The following PSD3 variants were observed in gnomAD, a reference collection of about 807,000 sequenced individuals.
PSD3 encodes the protein pleckstrin and Sec7 domain containing 3, also known as PH and SEC7 domain-containing protein 3.
In PSD3, 49 loss-of-function variants were observed where a neutral mutation model predicts 105.5. The observed-to-expected ratio is 0.46, with a 90% CI of 0.37 to 0.59. PSD3 has a LOEUF of 0.59. PSD3 is among the 20% of genes least tolerant of loss of function. The pLI, the probability that PSD3 is intolerant of heterozygous loss-of-function variation, is 0.00. For synonymous variants in PSD3, 557 were observed against 457.8 expected (o/e 1.22, Z -2.77); for missense variants, 1,561 against 1,263.8 (o/e 1.24, Z -3.57).
rs576851160 is a variant in PSD3, at chr8:19,033,720, G to C, written c.324+50486C>G. On this transcript the variant is annotated intron_variant, in intron 1 of 1. Coordinates refer to the PSD3 transcript ENST00000521475. The stretch of plus-strand genomic sequence containing the variant: ...ATACCCAATTATCTTAGTGATAGCA[G>C]CACTCCCAGGAATTGAAGTCTCATA... 4.6e-5 allele frequency among the ~76,000 whole-genome samples: 7 copies of C among 152,028 alleles called. No homozygotes were observed. In the South Asian group the frequency reaches 1.5e-3, roughly 32 times the overall value.
intron 1 of PSD3, among the ~76,000 whole-genome samples, chr8:18,961,677 C>A (rs568107891): frequency 6.6e-6 from 1 of 152,006 alleles, no homozygotes; most frequent in Non-Finnish European, 1.5e-5. Flanking sequence ...GGTGACAGAG[C>A]GAGACTCTGC....
chr8:18,666,059 C>A (rs746191040), intron 9 of PSD3, among the ~76,000 whole-genome samples: 10 of 152,094 alleles, frequency 6.6e-5, no homozygotes, highest in Non-Finnish European at 1.0e-4. Flanking sequence ...TGTAAACATA[C>A]CTTTTTTTTT....
chr8:18,753,484 T>C (rs1410970739), intron 9 of PSD3, among the ~76,000 whole-genome samples: 2 of 152,158 alleles, frequency 1.3e-5, no homozygotes, highest in Non-Finnish European at 2.9e-5. Context: ...CTGGATAATG[T>C]GGCTTCTGGC....
chr8:18,580,571 GC>G (rs1802749970), intron 12 of PSD3, among the ~76,000 whole-genome samples: 2 of 151,920 alleles, frequency 1.3e-5, no homozygotes, highest in South Asian at 4.2e-4. Context: ...AAAAAAACAA[GC>G]CCCCAAAACA....
At chr8:18,752,428 C>T (rs1191403698) in intron 9 of PSD3, among the ~76,000 whole-genome samples, 5 of 131,936 alleles carry the variant, frequency 3.8e-5, no homozygotes, top group African/African-American at 1.5e-4. Context: ...TAAGCAATAC[C>T]ACCATCTAAT....
At chr8:19,080,790 T>C (rs774210975) in intron 1 of PSD3, among the ~76,000 whole-genome samples, 5 of 152,116 alleles carry the variant, frequency 3.3e-5, no homozygotes, top group Non-Finnish European at 7.4e-5. Flanking sequence ...TTTAAGGCCA[T>C]AGATAAAATT....
chr8:18,884,885 G>A (rs921393927), intron 2 of PSD3, among the ~76,000 whole-genome samples: 9 of 152,154 alleles, frequency 5.9e-5, no homozygotes, highest in Admixed American at 1.3e-4. Context: ...GAGTGGCACC[G>A]CATACAGCAT....
At chr8:18,557,657 A>G (rs572172094) in intron 14 of PSD3, among the ~76,000 whole-genome samples, 1 of 152,356 alleles carries the variant, frequency 6.6e-6, no homozygotes, top group African/African-American at 2.4e-5. Context: ...AATGCCAACT[A>G]TAACAAAACA....
intron 9 of PSD3, among the ~76,000 whole-genome samples, chr8:18,657,037 G>T (rs1362030386): frequency 2.0e-5 from 3 of 152,166 alleles, no homozygotes; most frequent in Non-Finnish European, 4.4e-5. Flanking sequence ...GAATGACTTG[G>T]ATCAATTAGA....
At chr8:19,053,225 A>C (rs1189376651) in intron 1 of PSD3, among the ~76,000 whole-genome samples, 2 of 152,080 alleles carry the variant, frequency 1.3e-5, no homozygotes, top group African/African-American at 4.8e-5. Flanking sequence ...GACTGGAGTA[A>C]CGTCTTAAAG....
intron 9 of PSD3, among the ~76,000 whole-genome samples, chr8:18,669,828 G>C (rs1799679117): frequency 6.6e-6 from 1 of 152,154 alleles, no homozygotes; most frequent in Admixed American, 6.5e-5. Context: ...ATACAGTAAA[G>C]TATTTTATAA....
intron 9 of PSD3, among the ~76,000 whole-genome samples, chr8:18,659,124 G>A (rs1809126783): frequency 6.6e-6 from 1 of 152,172 alleles, no homozygotes; most frequent in African/African-American, 2.4e-5. Context: ...GGGGTTGTGG[G>A]GAGGTGGGTA....
At chr8:18,602,299 A>G (rs764792597) in intron 11 of PSD3, among the ~76,000 whole-genome samples, 1 of 152,144 alleles carries the variant, frequency 6.6e-6, no homozygotes, top group Non-Finnish European at 1.5e-5. Flanking sequence ...CACTAAGCCT[A>G]CTACAAAGAG....
chr8:18,902,587 C>A (rs540859366), intron 2 of PSD3, among the ~76,000 whole-genome samples: 4 of 152,202 alleles, frequency 2.6e-5, no homozygotes, highest in African/African-American at 9.6e-5. Flanking sequence ...GTGTTGATGT[C>A]TGTGTGGCAG....
At chr8:19,025,577 T>C (rs1827519544) in intron 1 of PSD3, among the ~76,000 whole-genome samples, 5 of 152,156 alleles carry the variant, frequency 3.3e-5, no homozygotes, top group African/African-American at 2.4e-5. Flanking sequence ...GGTCCTGCCA[T>C]CATTTGGGGT....
intron 2 of PSD3, among the ~76,000 whole-genome samples, chr8:18,923,017 T>G (rs1390091183): frequency 6.6e-6 from 1 of 152,274 alleles, no homozygotes; most frequent in African/African-American, 2.4e-5. Context: ...CATTGGCTAT[T>G]GGTGATTTCC....
intron 1 of PSD3, among the ~76,000 whole-genome samples, chr8:19,019,024 T>C (rs149209027): frequency 3.9e-5 from 6 of 152,338 alleles, no homozygotes; most frequent in Admixed American, 6.5e-5. Flanking sequence ...CTTGATCTCC[T>C]GACCTTATGA....
At chr8:18,630,837 C>A (rs1806845477) in intron 11 of PSD3, among the ~76,000 whole-genome samples, 1 of 151,824 alleles carries the variant, frequency 6.6e-6, no homozygotes, top group Admixed American at 6.6e-5. Context: ...CCAAAGAATA[C>A]AACATAACAA....
intron 1 of PSD3, among the ~76,000 whole-genome samples, chr8:19,036,276 A>G (rs112884740): frequency 3.9e-5 from 6 of 152,118 alleles, no homozygotes; most frequent in African/African-American, 1.4e-4. Context: ...GTGGCCCCCA[A>G]TGCTTATGCA....
Sources: allele counts gnomAD v4.1 joint callset (sites outside exome capture counted in the v4.1 genomes callset), GRCh38; gene constraint gnomAD v4.1.1; transcripts MANE v1.5; gene names NCBI Gene and HGNC (gene_info 2026-07-23, HGNC 2026-07-21).